The following OPCML variants were observed in gnomAD, a reference collection of about 807,000 sequenced individuals.
OPCML encodes the protein opioid binding protein/cell adhesion molecule like.
A neutral mutation model predicts 37.8 loss-of-function variants in OPCML; 13 were observed. The ratio of observed to expected loss-of-function variants is 0.34; its 90% confidence interval spans 0.22 to 0.55. The LOEUF is 0.55. Ranked by LOEUF, OPCML falls within the 20% of genes least tolerant of loss-of-function variation. OPCML has a pLI of 0.91. For synonymous variants in OPCML, 176 were observed against 168.8 expected, an observed-to-expected ratio of 1.04 and a Z score of -0.33; for missense variants, 341 against 435.6, an observed-to-expected ratio of 0.78 and a Z score of 1.93.
At chr11:133,415,055 G>A (rs748820682) in intron 1 of OPCML, among the ~76,000 whole-genome samples, 3 of 152,256 alleles carry the variant, frequency 2.0e-5, no homozygotes, top group South Asian at 4.1e-4. Flanking sequence ...GTGAATTTGC[G>A]AGTTATTTAG....
chr11:133,119,740 G>A (rs752939714), intron 1 of OPCML, among the ~76,000 whole-genome samples: 1 of 152,208 alleles, frequency 6.6e-6, no homozygotes, highest in Non-Finnish European at 1.5e-5. Flanking sequence ...CGTGAGTAAT[G>A]AGAAGTTCAC....
At chr11:132,816,526 T>G (rs1034205564) in intron 2 of OPCML, among the ~76,000 whole-genome samples, 13 of 152,206 alleles carry the variant, frequency 8.5e-5, no homozygotes, top group Non-Finnish European at 1.5e-4. Context: ...ATTTTATGTG[T>G]TATACAAAAA....
At chr11:132,768,482 G>C (rs757269038) in intron 2 of OPCML, among the ~76,000 whole-genome samples, 1 of 152,130 alleles carries the variant, frequency 6.6e-6, no homozygotes, top group African/African-American at 2.4e-5. Context: ...TCTACAATTT[G>C]GGTACTGTCC....
intron 4 of OPCML, among the ~76,000 whole-genome samples, chr11:132,447,481 G>A (rs1056753475): frequency 2.7e-5 from 3 of 111,338 alleles, no homozygotes; most frequent in South Asian, 5.7e-4. Flanking sequence ...TTTTTTTTTT[G>A]TATTTTTTAG....
rs958536436 is a variant in OPCML, at chr11:133,399,138, C to T, written c.61+133126G>A. 2.0e-5 allele frequency among the ~76,000 whole-genome samples: 3 copies of T among 152,086 alleles called. 1 individual carries two copies. The highest frequency in any genetic ancestry group is 7.2e-5 in the African/African-American group (3 of 41,408). On this transcript the variant is annotated intron_variant, in intron 1 of 7. Transcript: ENST00000524381. ...TATGATTTTTTAAATTCCCCCTCCCCCAGCAAAGAAAGAATCAGGAAAGTA... is the reference window on the plus strand; with the variant it reads ...TATGATTTTTTAAATTCCCCCTCCCTCAGCAAAGAAAGAATCAGGAAAGTA...
At chr11:133,014,315 CT>C (rs1317595346) in intron 1 of OPCML, among the ~76,000 whole-genome samples, 1 of 151,780 alleles carries the variant, frequency 6.6e-6, no homozygotes, top group African/African-American at 2.4e-5. Flanking sequence ...TGTTAAGCTG[CT>C]TGTTTTTTTT....
At chr11:132,894,178 T>A (rs1943751217) in intron 2 of OPCML, among the ~76,000 whole-genome samples, 2 of 152,230 alleles carry the variant, frequency 1.3e-5, no homozygotes, top group Admixed American at 6.5e-5. Context: ...ATTAATGTCA[T>A]CAATCATCTT....
chr11:132,715,437 C>T (rs1052316324), intron 2 of OPCML, among the ~76,000 whole-genome samples: 1 of 152,284 alleles, frequency 6.6e-6, no homozygotes, highest in Middle Eastern at 3.4e-3. Flanking sequence ...ACTGCCAACT[C>T]GGTGACCTTG....
intron 3 of OPCML, among the ~76,000 whole-genome samples, chr11:132,634,293 GA>G (rs1417023548): frequency 6.6e-6 from 1 of 152,144 alleles, no homozygotes; most frequent in Non-Finnish European, 1.5e-5. Context: ...ATGGATGGTG[GA>G]AATAGCTATT....
chr11:133,055,729 C>T (rs191971267), intron 1 of OPCML, among the ~76,000 whole-genome samples: 283 of 148,246 alleles, frequency 1.9e-3, no homozygotes, highest in Admixed American at 3.7e-3. Flanking sequence ...CTCTATCGTA[C>T]AATGCTGCCT....
intron 2 of OPCML, among the ~76,000 whole-genome samples, chr11:132,762,708 G>A (rs2917580): frequency 0.62 from 94,812 of 152,000 alleles, 30,221 homozygotes; most frequent in East Asian, 0.97. Context: ...CTACTGTGCT[G>A]GCAGCGAAAA....
Position 133,208,482 on chromosome 11 carries a change from G to A in OPCML, c.62-265472C>T, listed in dbSNP as rs532587940. The stretch of plus-strand genomic sequence containing the variant: ...TCTCTTGATCTCTCAATTTTTGCAT[G>A]AATAGATTTGGATAATAAAGTGCAA... On this transcript the variant is annotated intron_variant, in intron 1 of 7. Coordinates refer to ENST00000524381, the MANE Select transcript of OPCML (RefSeq NM_001012393.5). The surrounding 1 kb of genome is among the most constrained non-coding windows in gnomAD (Gnocchi z 8.9). Among the ~76,000 whole-genome samples, 9 of 152,300 alleles carry A rather than the reference G, an allele frequency of 5.9e-5. No individual in the cohort carries two copies. Among genetic ancestry groups the A allele is most frequent in the African/African-American group, 2.2e-4 (9 of 41,574 alleles).
At chr11:133,197,911 A>C (rs115558289) in intron 1 of OPCML, among the ~76,000 whole-genome samples, 1 of 152,202 alleles carries the variant, frequency 6.6e-6, no homozygotes, top group African/African-American at 2.4e-5. Flanking sequence ...CCTGAAAAGA[A>C]GGCACATGGC....
chr11:133,100,718 G>A (rs533766413), intron 1 of OPCML, among the ~76,000 whole-genome samples: 2 of 152,282 alleles, frequency 1.3e-5, no homozygotes, highest in African/African-American at 4.8e-5. Context: ...ATGGAGTAAA[G>A]ATAGTCCTCA....
intron 4 of OPCML, among the ~76,000 whole-genome samples, chr11:132,465,477 C>G (rs1401950996): frequency 1.3e-5 from 2 of 151,942 alleles, no homozygotes; most frequent in East Asian, 3.9e-4. Flanking sequence ...TTTTTATTAT[C>G]CACTTGTATT....
chr11:132,679,071 T>A (rs1942830078), intron 2 of OPCML, among the ~76,000 whole-genome samples: 1 of 152,110 alleles, frequency 6.6e-6, no homozygotes, highest in Non-Finnish European at 1.5e-5. Flanking sequence ...TTAAAATATT[T>A]GACAATAAAA....
chr11:132,465,586 G>A (rs2096117179), intron 4 of OPCML, among the ~76,000 whole-genome samples: 1 of 151,438 alleles, frequency 6.6e-6, no homozygotes, highest in Non-Finnish European at 1.5e-5. Context: ...GTTATTTTGT[G>A]TATAGCATCT....
intron 1 of OPCML, among the ~76,000 whole-genome samples, chr11:133,120,843 G>A (rs1440542035): frequency 6.6e-6 from 1 of 152,116 alleles, no homozygotes; most frequent in South Asian, 2.1e-4. Context: ...GCTTCCAATG[G>A]CCAGGAAGAT....
chr11:132,517,523 T>C (rs1361018781), intron 4 of OPCML, among the ~76,000 whole-genome samples: 1 of 152,192 alleles, frequency 6.6e-6, no homozygotes, highest in Non-Finnish European at 1.5e-5. Context: ...CTTATTATTT[T>C]CTATTGAAGC....
Sources: allele counts gnomAD v4.1 joint callset (sites outside exome capture counted in the v4.1 genomes callset), GRCh38; gene constraint gnomAD v4.1.1; non-coding constraint Gnocchi (gnomAD v3.1); transcripts MANE v1.5; gene names NCBI Gene and HGNC (gene_info 2026-07-23, HGNC 2026-07-21).